Variants in ABHD1 observed in about 807,000 individuals in gnomAD.
ABHD1 encodes the protein abhydrolase domain containing 1, also known as protein ABHD1.
ABHD1 carries 47 observed loss-of-function variants against 41.4 expected under a neutral mutation model. That is an observed-to-expected ratio of 1.13 (90% CI 0.90 to 1.45). The LOEUF (loss-of-function observed/expected upper bound fraction) is 1.45, where lower values mean the gene tolerates loss of function less well. Among genes scored for constraint, ABHD1 ranks in the 40% most tolerant of loss-of-function variants. ABHD1 has a pLI of 0.00. For missense variants in ABHD1, 550 were observed against 503.4 expected (o/e 1.09, Z -0.89); for synonymous variants, 205 against 203.7 (o/e 1.01, Z -0.05).
chr2:27,129,692 C>A lies in ABHD1; in HGVS notation c.618-62C>A, dbSNP rs967534589. On this transcript the variant is annotated intron_variant, in intron 5 of 8. Coordinates refer to ENST00000316470, the MANE Select transcript of ABHD1 (RefSeq NM_032604.4). Reference sequence around the variant, plus strand: ...TTTTTTTCCTCCTCCATGTCCCCTTCCTCTGTCCCAACCCACATTAATGCA... The same window carrying A: ...TTTTTTTCCTCCTCCATGTCCCCTTACTCTGTCCCAACCCACATTAATGCA... 5.6e-6 allele frequency: 9 copies of A among 1,609,834 alleles called. No individual in the cohort carries two copies. The African/African-American group carries it at 1.2e-4, about 21-fold the overall frequency.
chr2:27,129,892 G>C lies in ABHD1; in HGVS notation c.756G>C (p.Gln252His). Residue 252 changes from glutamine to histidine, a missense_variant, in exon 6 of 9, where the codon CAG (glutamine) becomes CAC (histidine). Gln to His is a conservative substitution (Grantham distance 24). Coordinates refer to ENST00000316470, the MANE Select transcript of ABHD1 (RefSeq NM_032604.4). ...CACTCAACTCACTGCTCTTCAATCAGCCCCTCACTGCTGGGCTCTGCCAAC... is the reference window on the plus strand; with the variant it reads ...CACTCAACTCACTGCTCTTCAATCACCCCCTCACTGCTGGGCTCTGCCAAC... ...ETPLNSLLFN[Q>H]PLTAGLCQLV... 1 of 1,614,050 alleles carries C rather than the reference G, an allele frequency of 6.2e-7. No homozygotes were observed. Among genetic ancestry groups the C allele is most frequent in the East Asian group, 2.2e-5 (1 of 44,876 alleles).
chr2:27,128,807 T>C, intron 2 of ABHD1, 138 bp from the exon 3 acceptor site: 3 of 1,237,414 alleles, frequency 2.4e-6, no homozygotes, highest in Non-Finnish European at 3.4e-6. Context: ...CAAGCCTTAC[T>C]GTTTTACATG....
intron 1 of ABHD1, chr2:27,126,468 T>C (rs1441873823): frequency 2.0e-5 from 3 of 152,266 alleles, no homozygotes; most frequent in Non-Finnish European, 4.4e-5. Context: ...CTATAGGAAC[T>C]GTACTGGAGA....
At chr2:27,129,439 C>A in intron 4 of ABHD1, 75 bp from the exon 5 acceptor site, 1 of 1,611,734 alleles carries the variant, frequency 6.2e-7, no homozygotes, top group East Asian at 2.2e-5. Flanking sequence ...CACCTCCTAC[C>A]TATCCTTCCT....
At chr2:27,127,699 C>A (rs952104210) in intron 1 of ABHD1, among the ~76,000 whole-genome samples, 7 of 151,506 alleles carry the variant, frequency 4.6e-5, no homozygotes, top group African/African-American at 1.5e-4. Context: ...GTAACTGAGA[C>A]TACAGGTGCT....
chr2:27,124,430 C>T (rs1388228295), intron 1 of ABHD1: 4 of 367,758 alleles, frequency 1.1e-5, no homozygotes, highest in Non-Finnish European at 5.3e-6. Flanking sequence ...TGGGTCATGG[C>T]TAACTCCCAA....
Position 27,129,585 on chromosome 2 carries a change from T to C in ABHD1, c.576T>C (p.Tyr192=). The C allele has an allele frequency of 6.2e-7, 1 of 1,613,882 alleles. No individual in the cohort carries two copies. The highest frequency in any genetic ancestry group is 1.1e-5 in the South Asian group (1 of 91,088). Residue 192 remains tyrosine, a synonymous_variant, in exon 5 of 9, where the codon TAT becomes TAC. Coordinates refer to ENST00000316470, the MANE Select transcript of ABHD1 (RefSeq NM_032604.4). ...TCGTGAACCACATAAAGCATCGTTA[T>C]CCCCAAGCTCCACTGCTGGCCGTGG... ...ETVVNHIKHR[Y]PQAPLLAVGI...
chr2:27,128,357 G>C, intron 1 of ABHD1, 84 bp from the exon 2 acceptor site: 1 of 1,589,660 alleles, frequency 6.3e-7, no homozygotes, highest in South Asian at 1.1e-5. Flanking sequence ...CTGGAGAGGG[G>C]GCCCCCTCAC....
At position 27,128,508 on chromosome 2, in the gene ABHD1, A is replaced by G. The variant is rs138279491; in HGVS notation, c.182A>G (p.Glu61Gly). Residue 61 changes from glutamate to glycine, a missense_variant, in exon 2 of 9, where the codon GAG (glutamate) becomes GGG (glycine). Physicochemically the swap from Glu to Gly is moderately conservative, Grantham distance 98. Transcript: ENST00000316470. Reference protein sequence around the residue: ...FLEPHCSITTETFYPTLWCFE... With the variant: ...FLEPHCSITTGTFYPTLWCFE... The stretch of plus-strand genomic sequence containing the variant: ...GAGCCACACTGTTCCATCACCACCG[A>G]GACTTTCTACCCAACGCTGTGGTGT... The G allele has an allele frequency of 4.3e-6, 7 of 1,614,134 alleles. No homozygotes were observed. Among genetic ancestry groups the G allele is most frequent in the East Asian group, 2.2e-5 (1 of 44,868 alleles).
In ABHD1 at chr2:27,129,017, C is replaced by G; in HGVS notation, c.348C>G (p.Asp116Glu). 1 of 1,614,236 alleles carries G rather than the reference C, an allele frequency of 6.2e-7. No individual in the cohort carries two copies. The highest frequency in any genetic ancestry group is 8.5e-7 in the Non-Finnish European group (1 of 1,180,054). ...DWAKQPDSSQDPDPTTQPIVL... is the reference protein window; with the variant it reads ...DWAKQPDSSQEPDPTTQPIVL... ...CCAAGCAGCCTGACAGCAGCCAAGA[C>G]CCTGATCCTACTACCCAGCCCATTG... The change falls in exon 3 of 9, where the codon GAC becomes GAG. Residue 116 changes from aspartate (D) to glutamate (E), a missense_variant. Physicochemically the swap from Asp to Glu is conservative, Grantham distance 45. Coordinates refer to ENST00000316470, the MANE Select transcript of ABHD1 (RefSeq NM_032604.4).
At chr2:27,126,407 T>A (rs1387753618) in intron 1 of ABHD1, 1 of 152,262 alleles carries the variant, frequency 6.6e-6, no homozygotes, top group African/African-American at 2.4e-5. Flanking sequence ...AAGTCACATC[T>A]CCCAACAGTT....
chr2:27,124,547 G>C (rs1464189114), intron 1 of ABHD1: 1 of 299,940 alleles, frequency 3.3e-6, no homozygotes, highest in Non-Finnish European at 6.5e-6. Flanking sequence ...AACTGTCCTT[G>C]CTCATTCAGC....
intron 1 of ABHD1, chr2:27,125,919 A>G (rs62697960): frequency 3.1e-5 from 4 of 130,948 alleles, no homozygotes; most frequent in Non-Finnish European, 6.6e-5. Context: ...AAAAAAAAAA[A>G]GGATAGCAAC....
Position 27,130,797 on chromosome 2 carries a change from A to C in ABHD1, c.*53A>C. 20 of 1,576,098 alleles carry C rather than the reference A, an allele frequency of 1.3e-5. No individual in the cohort carries two copies. Among genetic ancestry groups the C allele is most frequent in the Non-Finnish European group, 1.7e-5 (19 of 1,148,042 alleles). On this transcript the variant is annotated 3_prime_UTR_variant, in exon 9 of 9. Coordinates refer to ENST00000316470, the MANE Select transcript of ABHD1 (RefSeq NM_032604.4). ...ACTCTTTCCTTGTTTATTAAATATCAACTTTTCCTGCCTAATGGGCTGAGG... is the reference window on the plus strand; with the variant it reads ...ACTCTTTCCTTGTTTATTAAATATCCACTTTTCCTGCCTAATGGGCTGAGG...
Position 27,128,523 on chromosome 2 carries a change from C to T in ABHD1, c.197C>T (p.Thr66Met), listed in dbSNP as rs766770603. 69 of 1,614,024 alleles carry T rather than the reference C, an allele frequency of 4.3e-5. No homozygotes were observed. The Admixed American group carries it at 4.7e-4, about 11-fold the overall frequency. Residue 66 changes from threonine (T) to methionine (M), a missense_variant, in exon 2 of 9, where the codon ACG (threonine) becomes ATG (methionine). Thr to Met is a moderately conservative substitution (Grantham distance 81, BLOSUM62 -1). Coordinates refer to ENST00000316470, the MANE Select transcript of ABHD1 (RefSeq NM_032604.4). Reference sequence around the variant, plus strand: ...ATCACCACCGAGACTTTCTACCCAACGCTGTGGTGTTTTGAGGGGCGACTA... The same window carrying T: ...ATCACCACCGAGACTTTCTACCCAATGCTGTGGTGTTTTGAGGGGCGACTA... ...CSITTETFYP[T>M]LWCFEGRLQS...
At chr2:27,128,626 A>G in intron 2 of ABHD1, 25 bp downstream of exon 2, 1 of 1,608,856 alleles carries the variant, frequency 6.2e-7, no homozygotes, top group Non-Finnish European at 8.5e-7. Context: ...AACAGGGTGA[A>G]CATGAAACCC....
At chr2:27,124,783 T>C (rs1026503840) in intron 1 of ABHD1, 2 of 159,612 alleles carry the variant, frequency 1.3e-5, no homozygotes, top group Non-Finnish European at 1.4e-5. Flanking sequence ...TAGGAGACTT[T>C]AGTGTTACCT....
chr2:27,130,246 T>G lies in ABHD1; in HGVS notation c.841-5T>G. 1 of 1,614,212 alleles carries G rather than the reference T, an allele frequency of 6.2e-7. No homozygotes were observed. The highest frequency in any genetic ancestry group is 1.1e-5 in the South Asian group (1 of 91,092). On this transcript the variant is annotated splice_polypyrimidine_tract_variant and splice_region_variant and intron_variant, in intron 7 of 8. Coordinates refer to ENST00000316470, the MANE Select transcript of ABHD1 (RefSeq NM_032604.4). Reference sequence around the variant, plus strand: ...TCTTAGCCTATCCTATGGTAAGACCTGCAGGCCCGTACAATCCGCCAGTTT... The same window carrying G: ...TCTTAGCCTATCCTATGGTAAGACCGGCAGGCCCGTACAATCCGCCAGTTT...
At chr2:27,128,100 C>T (rs1672048490) in intron 1 of ABHD1, among the ~76,000 whole-genome samples, 1 of 152,140 alleles carries the variant, frequency 6.6e-6, no homozygotes, top group South Asian at 2.1e-4. Context: ...AGGCGCACAC[C>T]ACTGAGCGTG....
Sources: gnomAD v4.1 joint callset for allele counts (sites outside exome capture counted in the v4.1 genomes callset) on GRCh38, gnomAD v4.1.1 for gene constraint, MANE v1.5 for transcripts, NCBI Gene and HGNC (gene_info 2026-07-23, HGNC 2026-07-21) for gene names.